COL22A1: variants seen among roughly 807,000 people sequenced by gnomAD.
COL22A1 encodes collagen type XXII alpha 1 chain, also known as collagen alpha-1(XXII) chain.
Under a neutral mutation model 248.9 loss-of-function variants are expected in COL22A1, and 221 were observed. That is an observed-to-expected ratio of 0.89 (90% CI 0.80 to 0.99). The LOEUF (loss-of-function observed/expected upper bound fraction) is 0.99. Among genes scored for constraint, COL22A1 ranks in the 50% least tolerant of loss-of-function variants. COL22A1 has a pLI of 0.00. For synonymous variants in COL22A1, 891 were observed against 793.4 expected (o/e 1.12, Z -2.07); for missense variants, 2,240 against 2,179.0 (o/e 1.03, Z -0.56).
intron 47 of COL22A1, among the ~76,000 whole-genome samples, chr8:138,645,804 A>T (rs1822157638): frequency 6.6e-6 from 1 of 152,234 alleles, no homozygotes; most frequent in Non-Finnish European, 1.5e-5. Flanking sequence ...TGCTATGTCC[A>T]GCCAGGCCTC....
At chr8:138,808,162 G>A (rs1461703240) in intron 9 of COL22A1, among the ~76,000 whole-genome samples, 2 of 152,188 alleles carry the variant, frequency 1.3e-5, no homozygotes, top group Non-Finnish European at 2.9e-5. Flanking sequence ...GCTACCAGAG[G>A]CTATGGAGCG....
At chr8:138,685,067 C>T in intron 38 of COL22A1, 141 bp downstream of exon 38, 1 of 660,742 alleles carries the variant, frequency 1.5e-6, no homozygotes. Flanking sequence ...CTGCCCTAGC[C>T]TGAACCCCTT....
At position 138,591,430 on chromosome 8, in the gene COL22A1, T is replaced by A. The variant is rs1817035123; in HGVS notation, c.4687A>T (p.Ile1563Phe). The change falls in exon 64 of 65, where the codon ATC (isoleucine) becomes TTC (phenylalanine). Residue 1563 changes from isoleucine to phenylalanine, a missense_variant. Physicochemically the swap from Ile to Phe is conservative, Grantham distance 21. Transcript: ENST00000303045. Reference protein sequence around the residue: ...GLRGEMGPPGIPGQPGEPGYA... With the variant: ...GLRGEMGPPGFPGQPGEPGYA... ...ACTGCAGAATGAGTCATACCTGGGA[T>A]TCCAGGGGGTCCCATCTCGCCTCGG... is the stretch of plus-strand genomic sequence containing the variant. The A allele has an allele frequency of 6.3e-7, 1 of 1,580,042 alleles. No individual in the cohort carries two copies. The highest frequency in any genetic ancestry group is 8.6e-7 in the Non-Finnish European group (1 of 1,163,122).
At chr8:138,638,931 C>T (rs757792755) in intron 47 of COL22A1, among the ~76,000 whole-genome samples, 4 of 152,126 alleles carry the variant, frequency 2.6e-5, no homozygotes, top group Non-Finnish European at 4.4e-5. Context: ...TCCCTGTCTC[C>T]TACTCCAACG....
chr8:138,752,076 C>A (rs144866235), intron 21 of COL22A1, among the ~76,000 whole-genome samples: 23 of 152,330 alleles, frequency 1.5e-4, no homozygotes, highest in Non-Finnish European at 3.1e-4. Context: ...TGAGCTCAGG[C>A]AAGTCACTTG....
At chr8:138,911,541 G>A (rs1346198711) in intron 1 of COL22A1, among the ~76,000 whole-genome samples, 1 of 152,192 alleles carries the variant, frequency 6.6e-6, no homozygotes, top group Non-Finnish European at 1.5e-5. Flanking sequence ...GATGACCAGA[G>A]GGCACATGCC....
intron 30 of COL22A1, 71 bp downstream of exon 30, chr8:138,715,611 G>T: frequency 2.4e-5 from 21 of 862,960 alleles, no homozygotes; most frequent in Non-Finnish European, 3.5e-5. Flanking sequence ...ATATTCTGCA[G>T]AAAATCTCTT....
intron 36 of COL22A1, 97 bp from the exon 37 acceptor site, chr8:138,689,067 A>T: frequency 1.0e-6 from 1 of 953,228 alleles, no homozygotes; most frequent in African/African-American, 1.6e-5. Flanking sequence ...GGTCCCCCTG[A>T]AGTCAACGAC....
At chr8:138,623,603 T>C (rs1039135171) in intron 52 of COL22A1, 129 bp downstream of exon 52, 130 of 765,002 alleles carry the variant, frequency 1.7e-4, no homozygotes, top group Non-Finnish European at 2.5e-4. Context: ...CAGGAGTATG[T>C]AAATGAAATA....
At chr8:138,701,627 C>A (rs2130983639) in intron 31 of COL22A1, among the ~76,000 whole-genome samples, 1 of 152,308 alleles carries the variant, frequency 6.6e-6, no homozygotes, top group African/African-American at 2.4e-5. Flanking sequence ...TTACTTACAG[C>A]CATTGAGAGG....
chr8:138,755,010 C>T lies in COL22A1; in HGVS notation c.2031+147G>A, dbSNP rs73437366. 9,305 of 767,104 alleles carry T rather than the reference C, an allele frequency of 0.012. 574 individuals carry two copies. The African/African-American group carries it at 0.14, about 11-fold the overall frequency. 47.5% of individuals were successfully genotyped at this position (767,104 alleles called of 1,614,324 possible). On this transcript the variant is annotated intron_variant, in intron 21 of 64. Transcript: ENST00000303045. ...CAGGCTCAGTTTTTCCTACGTGAGACGTGACCACAACAGCACAACCCACTC... is the reference window on the plus strand; with the variant it reads ...CAGGCTCAGTTTTTCCTACGTGAGATGTGACCACAACAGCACAACCCACTC...
intron 27 of COL22A1, among the ~76,000 whole-genome samples, chr8:138,719,926 C>G (rs946686227): frequency 6.6e-6 from 1 of 152,180 alleles, no homozygotes; most frequent in East Asian, 1.9e-4. Context: ...GAGCAGAACT[C>G]CCCGCAATCT....
intron 7 of COL22A1, 87 bp downstream of exon 7, chr8:138,821,049 G>T: frequency 7.1e-7 from 1 of 1,402,954 alleles, no homozygotes. Flanking sequence ...GTTCATGCAG[G>T]TGTGGAGAAC....
At chr8:138,769,600 G>T (rs190130181) in intron 16 of COL22A1, among the ~76,000 whole-genome samples, 1 of 152,272 alleles carries the variant, frequency 6.6e-6, no homozygotes, top group Admixed American at 6.5e-5. Flanking sequence ...AAGGTGTCTC[G>T]GGATGAGCCC....
At chr8:138,755,345 G>A in intron 20 of COL22A1, 135 bp from the exon 21 acceptor site, 1 of 1,259,372 alleles carries the variant, frequency 7.9e-7, no homozygotes, top group Admixed American at 1.7e-5. Flanking sequence ...TATGGGAGTG[G>A]GTATTTGCAT....
In COL22A1 at chr8:138,664,980, C is replaced by T. The variant is rs183136772; in HGVS notation, c.3151-1240G>A. ...CTGCATCTCCCTGTAGCACAGCCCA[C>T]GAGAATGTCCCTAAGGCATTCCCGA... On this transcript the variant is annotated intron_variant, in intron 41 of 64. Coordinates refer to ENST00000303045, the MANE Select transcript of COL22A1 (RefSeq NM_152888.3). 1.5e-3 allele frequency among the ~76,000 whole-genome samples: 221 copies of T among 152,256 alleles called. 1 individual carries two copies. The highest frequency in any genetic ancestry group is 4.8e-3 in the African/African-American group (199 of 41,538).
At chr8:138,614,408 C>T (rs1326390785) in intron 55 of COL22A1, among the ~76,000 whole-genome samples, 1 of 152,222 alleles carries the variant, frequency 6.6e-6, no homozygotes, top group Non-Finnish European at 1.5e-5. Flanking sequence ...GGGCATAATC[C>T]TAACCCTGTG....
In COL22A1 at chr8:138,649,747, G is replaced by T. The variant is rs753512465; in HGVS notation, c.3365C>A (p.Pro1122Gln). ...AAAACCTGGTAGACCAGGGAGGCCTGGGGGGCCAGGAGGGCAGTCATTGCA... is the reference window on the plus strand; with the variant it reads ...AAAACCTGGTAGACCAGGGAGGCCTTGGGGGCCAGGAGGGCAGTCATTGCA... ...DVCNDCPPGP[P>Q]GLPGLPGFKG... The change falls in exon 46 of 65, where the codon CCA becomes CAA. Residue 1122 changes from proline to glutamine, a missense_variant. Transcript: ENST00000303045. The T allele has an allele frequency of 1.3e-5, 21 of 1,604,944 alleles. No homozygotes were observed. Among genetic ancestry groups the T allele is most frequent in the Middle Eastern group, 3.3e-4 (2 of 6,014 alleles).
chr8:138,796,294 C>T (rs1238963943), intron 12 of COL22A1, among the ~76,000 whole-genome samples: 1 of 151,710 alleles, frequency 6.6e-6, no homozygotes, highest in Non-Finnish European at 1.5e-5. Context: ...TTTATTTTTC[C>T]CACAAATTCT....
Sources: gnomAD v4.1 joint callset for allele counts (sites outside exome capture counted in the v4.1 genomes callset) on GRCh38, gnomAD v4.1.1 for gene constraint, MANE v1.5 for transcripts, NCBI Gene and HGNC (gene_info 2026-07-23, HGNC 2026-07-21) for gene names.